Variants in DLG1 observed in about 807,000 individuals in gnomAD.
DLG1 encodes the protein disks large homolog 1.
A neutral mutation model predicts 123.4 loss-of-function variants in DLG1; 42 were observed. The ratio of observed to expected loss-of-function variants is 0.34; its 90% CI spans 0.27 to 0.44. DLG1 has a LOEUF of 0.44. DLG1 is among the 20% of genes least tolerant of loss of function. DLG1 has a pLI of 1.00. For synonymous variants in DLG1, 317 were observed against 356.2 expected (o/e 0.89, Z 1.24); for missense variants, 942 against 1,082.6 (o/e 0.87, Z 1.82).
intron 12 of DLG1, among the ~76,000 whole-genome samples, chr3:197,116,334 A>AAC (rs1773267292): frequency 6.6e-6 from 1 of 152,174 alleles, no homozygotes. Context: ...ACAGAAAAAA[A>AAC]ACGTGGAAAT....
At chr3:197,166,529 A>G (rs1431129551) in intron 5 of DLG1, among the ~76,000 whole-genome samples, 1 of 152,212 alleles carries the variant, frequency 6.6e-6, no homozygotes, top group Non-Finnish European at 1.5e-5. Flanking sequence ...TGCAGCTAAC[A>G]GCTCAACAGC....
intron 4 of DLG1, among the ~76,000 whole-genome samples, chr3:197,273,975 A>C (rs1765186981): frequency 6.6e-6 from 1 of 152,162 alleles, no homozygotes; most frequent in African/African-American, 2.4e-5. Context: ...AAATGGAAAG[A>C]TATCCCATGT....
rs1214430122 is a variant in DLG1, at chr3:197,288,719, CA to C, written c.152-5875del. ...CTGGGCAACAAGAGTGAAACTGTCTCAAAAAAAAAAAAAAAAAAAAAAAAAT... is the reference window on the plus strand; with the variant it reads ...CTGGGCAACAAGAGTGAAACTGTCTCAAAAAAAAAAAAAAAAAAAAAAAAT... On this transcript the variant is annotated intron_variant, in intron 3 of 24. Coordinates refer to ENST00000667157, the MANE Select transcript of DLG1 (RefSeq NM_001366207.1). 3.7e-3 allele frequency among the ~76,000 whole-genome samples: 228 copies of C among 61,928 alleles called. 1 individual carries two copies. The highest frequency in any genetic ancestry group is 0.011 in the African/African-American group (178 of 15,932). The allele number at this position is 61,928 out of a possible 152,430, so 40.6% of individuals were successfully genotyped here.
chr3:197,128,419 A>G (rs1191251884), intron 11 of DLG1, among the ~76,000 whole-genome samples: 1 of 152,138 alleles, frequency 6.6e-6, no homozygotes, highest in Non-Finnish European at 1.5e-5. Flanking sequence ...TAGTTCTCTT[A>G]TTATTTCTAC....
At chr3:197,125,470 A>G (rs1778561370) in intron 11 of DLG1, among the ~76,000 whole-genome samples, 1 of 152,168 alleles carries the variant, frequency 6.6e-6, no homozygotes, top group Non-Finnish European at 1.5e-5. Context: ...AAACCATGGA[A>G]TCTAAGCTAA....
intron 10 of DLG1, among the ~76,000 whole-genome samples, chr3:197,133,425 T>C (rs575195907): frequency 3.9e-5 from 6 of 152,306 alleles, no homozygotes; most frequent in African/African-American, 1.4e-4. Context: ...AGACAAGTTG[T>C]TCCTGCCAAG....
chr3:197,164,117 C>G (rs1473612063), intron 5 of DLG1, among the ~76,000 whole-genome samples: 4 of 151,894 alleles, frequency 2.6e-5, no homozygotes, highest in African/African-American at 9.7e-5. Flanking sequence ...CTTGGCCAGG[C>G]ACAGTGGTTC....
intron 4 of DLG1, among the ~76,000 whole-genome samples, chr3:197,270,695 C>T (rs1579085390): frequency 6.6e-6 from 1 of 152,152 alleles, no homozygotes; most frequent in Non-Finnish European, 1.5e-5. Context: ...ACAAGAAAAA[C>T]GTACCTTTCC....
chr3:197,122,050 C>T (rs999540956), intron 11 of DLG1, among the ~76,000 whole-genome samples: 4 of 151,830 alleles, frequency 2.6e-5, no homozygotes, highest in Admixed American at 2.0e-4. Context: ...AATTTCAGGA[C>T]ACTATCGTTA....
At chr3:197,280,419 T>A (rs998010802) in intron 4 of DLG1, among the ~76,000 whole-genome samples, 1 of 152,084 alleles carries the variant, frequency 6.6e-6, no homozygotes, top group Non-Finnish European at 1.5e-5. Flanking sequence ...TGATTTGATA[T>A]CTTGGCCACT....
intron 4 of DLG1, among the ~76,000 whole-genome samples, chr3:197,197,322 A>G (rs1235785381): frequency 2.0e-5 from 3 of 152,244 alleles, no homozygotes; most frequent in African/African-American, 4.8e-5. Context: ...TTGTAAAGTT[A>G]GCAGCTCTTG....
chr3:197,297,166 G>C lies in DLG1; in HGVS notation c.19+20C>G. ...AAAAGCAAGTGACATCGACAACAGA[G>C]TTACGGAATAAACTCTCACCTTGCT... On this transcript the variant is annotated intron_variant, in intron 2 of 24. Coordinates refer to ENST00000667157, the MANE Select transcript of DLG1 (RefSeq NM_001366207.1). 5 of 1,613,992 alleles carry C rather than the reference G, an allele frequency of 3.1e-6. No individual in the cohort carries two copies. Among genetic ancestry groups the C allele is most frequent in the Non-Finnish European group, 4.2e-6 (5 of 1,179,936 alleles).
chr3:197,079,625 A>C (rs1209511908), intron 17 of DLG1, among the ~76,000 whole-genome samples: 1 of 152,228 alleles, frequency 6.6e-6, no homozygotes, highest in Non-Finnish European at 1.5e-5. Context: ...ATATTGTACT[A>C]AATCATTTTT....
intron 5 of DLG1, among the ~76,000 whole-genome samples, chr3:197,166,900 A>G (rs577710579): frequency 6.6e-6 from 1 of 151,654 alleles, no homozygotes; most frequent in South Asian, 2.1e-4. Context: ...CTCGGGGGGA[A>G]AAAAACCACA....
At chr3:197,217,606 AAAGG>A (rs1299860369) in intron 4 of DLG1, among the ~76,000 whole-genome samples, 1 of 152,204 alleles carries the variant, frequency 6.6e-6, no homozygotes, top group Admixed American at 6.5e-5. Flanking sequence ...TCAACAATTA[AAAGG>A]AAGGAAATAC....
intron 24 of DLG1, among the ~76,000 whole-genome samples, chr3:197,048,225 C>G (rs1724765178): frequency 6.6e-6 from 1 of 152,176 alleles, no homozygotes; most frequent in South Asian, 2.1e-4. Flanking sequence ...CATCCTAACA[C>G]TTTGGGAGGC....
At chr3:197,185,711 A>G (rs963671525) in intron 5 of DLG1, among the ~76,000 whole-genome samples, 2 of 152,214 alleles carry the variant, frequency 1.3e-5, no homozygotes, top group African/African-American at 4.8e-5. Flanking sequence ...GCCTTGATCC[A>G]TGTCTGATGA....
intron 4 of DLG1, among the ~76,000 whole-genome samples, chr3:197,244,409 T>A (rs1750558456): frequency 6.6e-6 from 1 of 152,118 alleles, no homozygotes; most frequent in Admixed American, 6.5e-5. Flanking sequence ...TTGTTTAGAG[T>A]GCAGACAGAA....
At position 197,054,212 on chromosome 3, in the gene DLG1, G is replaced by A. The variant is rs140586509; in HGVS notation, c.2484-2544C>T. ...TCTGACACTTTGATTATAATGTGCC[G>A]CAGTGTGGGTATCTAAGTTTATCCT... is the stretch of plus-strand genomic sequence containing the variant. On this transcript the variant is annotated intron_variant, in intron 23 of 24. Coordinates refer to ENST00000667157, the MANE Select transcript of DLG1 (RefSeq NM_001366207.1). 9.3e-4 allele frequency among the ~76,000 whole-genome samples: 142 copies of A among 152,264 alleles called. 3 individuals are homozygous for A. The highest frequency in any genetic ancestry group is 3.8e-4 in the Non-Finnish European group (26 of 68,036).
Sources: allele counts gnomAD v4.1 joint callset (sites outside exome capture counted in the v4.1 genomes callset), GRCh38; gene constraint gnomAD v4.1.1; transcripts MANE v1.5; gene names NCBI Gene and HGNC (gene_info 2026-07-23, HGNC 2026-07-21).